The following COX7B2 variants were observed in gnomAD, a reference collection of about 807,000 sequenced individuals.
COX7B2 encodes cytochrome c oxidase subunit 7B2, mitochondrial.
For missense variants in COX7B2, 109 were observed against 95.9 expected (o/e 1.14, Z -0.57); for synonymous variants, 37 against 32.1 (o/e 1.15, Z -0.51).
chr4:46,818,165 CAATT>C (rs1406325883), intron 2 of COX7B2, among the ~76,000 whole-genome samples: 1 of 152,128 alleles, frequency 6.6e-6, no homozygotes, highest in Non-Finnish European at 1.5e-5. Context: ...TGTCAATTCT[CAATT>C]AATCAATGCC....
intron 1 of COX7B2, among the ~76,000 whole-genome samples, chr4:46,864,509 A>G (rs1717526936): frequency 6.6e-6 from 1 of 152,142 alleles, no homozygotes. Flanking sequence ...TTTTTGTGAA[A>G]TGATCGTGTG....
intron 2 of COX7B2, among the ~76,000 whole-genome samples, chr4:46,838,468 C>T (rs573690266): frequency 1.3e-5 from 2 of 152,148 alleles, no homozygotes; most frequent in South Asian, 4.1e-4. Flanking sequence ...AGCCAGTTTA[C>T]TTATTTTTAA....
At chr4:46,754,034 A>C (rs1313862984) in intron 2 of COX7B2, among the ~76,000 whole-genome samples, 4 of 152,154 alleles carry the variant, frequency 2.6e-5, no homozygotes, top group Non-Finnish European at 4.4e-5. Context: ...CACCAGTTAG[A>C]ATGGCAATCA....
At chr4:46,879,360 C>T (rs754888170) in intron 1 of COX7B2, among the ~76,000 whole-genome samples, 3 of 151,672 alleles carry the variant, frequency 2.0e-5, no homozygotes, top group African/African-American at 4.8e-5. Context: ...CACTGTCACT[C>T]AGGTTGGAGT....
At chr4:46,863,194 G>A (rs1052675535) in intron 1 of COX7B2, among the ~76,000 whole-genome samples, 2 of 152,118 alleles carry the variant, frequency 1.3e-5, no homozygotes, top group South Asian at 2.1e-4. Context: ...GAAAGGAACT[G>A]ATAAGGAGGG....
At chr4:46,857,245 TAAC>T (rs1361057789) in intron 1 of COX7B2, among the ~76,000 whole-genome samples, 1 of 152,172 alleles carries the variant, frequency 6.6e-6, no homozygotes, top group Non-Finnish European at 1.5e-5. Flanking sequence ...ATGAAGATAA[TAAC>T]AACACTTACC....
intron 1 of COX7B2, among the ~76,000 whole-genome samples, chr4:46,892,895 C>T (rs990664424): frequency 6.6e-6 from 1 of 152,178 alleles, no homozygotes; most frequent in Non-Finnish European, 1.5e-5. Context: ...CCATGCTATT[C>T]TCATGATAGT....
chr4:46,805,006 A>G (rs1718919010), intron 2 of COX7B2, among the ~76,000 whole-genome samples: 2 of 152,008 alleles, frequency 1.3e-5, no homozygotes, highest in Admixed American at 6.5e-5. Context: ...AGGCCCGGCA[A>G]GAAGTCGAGC....
chr4:46,840,636 C>T (rs1040700805), intron 2 of COX7B2, among the ~76,000 whole-genome samples: 1 of 152,000 alleles, frequency 6.6e-6, no homozygotes, highest in Admixed American at 6.6e-5. Flanking sequence ...TCTAATACAA[C>T]GTCTTTATAT....
intron 1 of COX7B2, among the ~76,000 whole-genome samples, chr4:46,898,664 A>T (rs1719911936): frequency 6.6e-6 from 1 of 152,060 alleles, no homozygotes; most frequent in Non-Finnish European, 1.5e-5. Context: ...GGCCCAAGAG[A>T]TCCACTGGCC....
At chr4:46,742,235 G>C (rs757461947) in intron 2 of COX7B2, among the ~76,000 whole-genome samples, 1 of 152,032 alleles carries the variant, frequency 6.6e-6, no homozygotes, top group Non-Finnish European at 1.5e-5. Flanking sequence ...TAGGACTCCT[G>C]GACATTACTC....
At chr4:46,798,758 C>T (rs1163750873) in intron 2 of COX7B2, among the ~76,000 whole-genome samples, 4 of 152,132 alleles carry the variant, frequency 2.6e-5, no homozygotes, top group Non-Finnish European at 5.9e-5. Context: ...TATAGCAACA[C>T]TCTATCATCC....
chr4:46,839,839 T>A (rs1409888640), intron 2 of COX7B2, among the ~76,000 whole-genome samples: 1 of 152,110 alleles, frequency 6.6e-6, no homozygotes, highest in Admixed American at 6.6e-5. Context: ...AGGTAGTACA[T>A]GGTAATGGTG....
chr4:46,766,303 A>G (rs1716529705), intron 2 of COX7B2, among the ~76,000 whole-genome samples: 1 of 152,214 alleles, frequency 6.6e-6, no homozygotes, highest in African/African-American at 2.4e-5. Context: ...GTTAAAAAAC[A>G]AAAGTACTAA....
intron 2 of COX7B2, among the ~76,000 whole-genome samples, chr4:46,819,779 G>A (rs1714146827): frequency 6.6e-6 from 1 of 152,150 alleles, no homozygotes; most frequent in African/African-American, 2.4e-5. Flanking sequence ...AATTATTTTT[G>A]AATGTGTGAC....
At chr4:46,828,381 CA>C (rs1404145462) in intron 2 of COX7B2, among the ~76,000 whole-genome samples, 1 of 152,030 alleles carries the variant, frequency 6.6e-6, no homozygotes, top group Non-Finnish European at 1.5e-5. Context: ...TATGAGTTTT[CA>C]AATTAACAAA....
intron 2 of COX7B2, among the ~76,000 whole-genome samples, chr4:46,827,109 T>A (rs1325240830): frequency 1.3e-5 from 2 of 152,026 alleles, no homozygotes; most frequent in African/African-American, 4.8e-5. Context: ...TGAGGGATAA[T>A]ATCAAATGAT....
intron 1 of COX7B2, among the ~76,000 whole-genome samples, chr4:46,879,559 G>A (rs937741147): frequency 4.0e-5 from 6 of 151,588 alleles, no homozygotes; most frequent in African/African-American, 1.5e-4. Flanking sequence ...CCACCACACC[G>A]AGACCTCTCC....
At chr4:46,810,819 T>C (rs2109660939) in intron 2 of COX7B2, among the ~76,000 whole-genome samples, 1 of 152,260 alleles carries the variant, frequency 6.6e-6, no homozygotes, top group Admixed American at 6.5e-5. Context: ...GCATTTCTAG[T>C]AAGGCAGCTC....
Sources: gnomAD v4.1 joint callset for allele counts (sites outside exome capture counted in the v4.1 genomes callset) on GRCh38, gnomAD v4.1.1 for gene constraint, MANE v1.5 for transcripts, NCBI Gene and HGNC (gene_info 2026-07-23, HGNC 2026-07-21) for gene names.